The following ASAH1 variants were observed in gnomAD, a reference collection of about 807,000 sequenced individuals.
ASAH1 encodes the protein acid ceramidase.
Under a neutral mutation model 59.5 loss-of-function variants are expected in ASAH1, and 70 were observed. That is an observed-to-expected ratio of 1.18 (90% CI 0.97 to 1.43). ASAH1 has a LOEUF of 1.43. Ranked by LOEUF, ASAH1 falls within the 40% of genes most tolerant of loss-of-function variation. ASAH1 has a pLI of 0.00. For missense variants in ASAH1, 660 were observed against 482.5 expected, an observed-to-expected ratio of 1.37 and a Z score of -3.45; for synonymous variants, 213 against 166.5, an observed-to-expected ratio of 1.28 and a Z score of -2.15.
At chr8:18,064,191 G>A in intron 6 of ASAH1, 2 of 574,472 alleles carry the variant, frequency 3.5e-6, no homozygotes, top group Non-Finnish European at 6.1e-6. Context: ...AGTAAACTAT[G>A]AGGAAGAGAA....
At chr8:18,062,161 G>T in intron 8 of ASAH1, 118 bp downstream of exon 8, 1 of 1,341,442 alleles carries the variant, frequency 7.5e-7, no homozygotes, top group South Asian at 1.2e-5. Context: ...GAAGTACAAG[G>T]GGGTGAAATG....
At chr8:18,067,137 T>A in intron 5 of ASAH1, 83 bp downstream of exon 5, 1 of 1,103,326 alleles carries the variant, frequency 9.1e-7, no homozygotes, top group Non-Finnish European at 1.3e-6. Context: ...ACAGCACCTG[T>A]GCTGTATGTA....
chr8:18,084,287 C>G, upstream of ASAH1: 1 of 1,436,436 alleles, frequency 7.0e-7, no homozygotes, highest in Non-Finnish European at 9.1e-7. Flanking sequence ...TCCAGGCTAC[C>G]TGCAGAAGGA....
intron 6 of ASAH1, 73 bp from the exon 7 acceptor site, chr8:18,063,303 G>T: frequency 1.5e-6 from 2 of 1,355,488 alleles, no homozygotes; most frequent in East Asian, 2.3e-5. Flanking sequence ...AATTAATTTT[G>T]ATTAATTAAT....
intron 5 of ASAH1, chr8:18,065,633 G>T (rs2410446): frequency 6.6e-6 from 1 of 151,292 alleles, no homozygotes; most frequent in Admixed American, 6.6e-5. Flanking sequence ...TTAACGAATG[G>T]CATGTGAGGT....
Position 18,061,212 on chromosome 8 carries a change from T to G in ASAH1, c.785+165A>C. On this transcript the variant is annotated intron_variant, in intron 10 of 13. Coordinates refer to ENST00000637790, the MANE Select transcript of ASAH1 (RefSeq NM_177924.5). ...TTTATTTGCTATAAAACACACAGTC[T>G]GCACGAAGAAAACATGAGTAATTCC... 6.7e-6 allele frequency: 4 copies of G among 599,334 alleles called. No homozygotes were observed. In the South Asian group the frequency reaches 9.2e-5, roughly 14 times the overall value. The allele number at this position is 599,334 out of a possible 1,614,324, so 37.1% of individuals were successfully genotyped here. A position where few individuals can be genotyped will look rare whatever the true frequency, so the allele number is the denominator to read the frequency against.
intron 1 of ASAH1, among the ~76,000 whole-genome samples, chr8:18,079,430 C>T (rs1800556528): frequency 6.6e-6 from 1 of 150,494 alleles, no homozygotes; most frequent in African/African-American, 2.4e-5. Flanking sequence ...AGCTACTGAA[C>T]ACAACATTCT....
Position 18,057,360 on chromosome 8 carries a change from G to T in ASAH1, c.*174C>A. On this transcript the variant is annotated 3_prime_UTR_variant, in exon 14 of 14. Transcript: ENST00000637790. ...TAAATAAGAAAAATCAACTGATAGG[G>T]GGAAAAAAAAAAGATCTGTCATTTG... The T allele has an allele frequency of 2.2e-6, 1 of 452,262 alleles. No individual in the cohort carries two copies. 28.0% of individuals were successfully genotyped at this position (452,262 alleles called of 1,614,324 possible).
Position 18,075,494 on chromosome 8 carries a change from A to G in ASAH1, c.125+47T>C, listed in dbSNP as rs961589560. On this transcript the variant is annotated intron_variant, in intron 2 of 13. Transcript: ENST00000637790. ...TGAGCAATTATTACATACAGAAAAA[A>G]CTTCACAAAGGTCAAAGGGAGTTTT... 3.8e-6 allele frequency: 6 copies of G among 1,593,598 alleles called. No individual in the cohort carries two copies. In the Admixed American group the frequency reaches 1.0e-4, roughly 27 times the overall value.
upstream of ASAH1, chr8:18,084,878 G>C (rs1018106871): frequency 2.5e-6 from 4 of 1,580,142 alleles, no homozygotes; most frequent in Non-Finnish European, 3.4e-6. Flanking sequence ...GGAGGCGGAC[G>C]CGAGTAGCTC....
At chr8:18,072,901 A>G (rs1800231616) in intron 2 of ASAH1, among the ~76,000 whole-genome samples, 1 of 151,428 alleles carries the variant, frequency 6.6e-6, no homozygotes, top group Admixed American at 6.6e-5. Flanking sequence ...ATAACATCCA[A>G]CCAATCCCAA....
intron 1 of ASAH1, among the ~76,000 whole-genome samples, chr8:18,080,001 C>T (rs374784968): frequency 1.2e-3 from 182 of 152,312 alleles, no homozygotes; most frequent in Middle Eastern, 3.4e-3. Flanking sequence ...CATTGGCTGA[C>T]GCATTCCCAG....
chr8:18,058,403 C>T, intron 13 of ASAH1: 1 of 162,820 alleles, frequency 6.1e-6, no homozygotes, highest in Non-Finnish European at 1.3e-5. Flanking sequence ...AAACTTTTTG[C>T]ATTTTTTTAA....
intron 2 of ASAH1, 121 bp downstream of exon 2, chr8:18,075,420 C>T (rs1800362431): frequency 9.2e-6 from 10 of 1,081,332 alleles, no homozygotes; most frequent in Non-Finnish European, 1.4e-5. Context: ...AAACCTCTGT[C>T]TCGGAATGGG....
intron 1 of ASAH1, chr8:18,083,423 A>T (rs1261198935): frequency 6.4e-6 from 1 of 156,194 alleles, no homozygotes; most frequent in Admixed American, 6.3e-5. Flanking sequence ...TGCTCGTGGG[A>T]AAGAGCCACG....
At chr8:18,069,739 A>G in intron 4 of ASAH1, 53 bp downstream of exon 4, 1 of 1,284,852 alleles carries the variant, frequency 7.8e-7, no homozygotes, top group Non-Finnish European at 1.1e-6. Context: ...TAAATAAATA[A>G]CAGCGCATTT....
chr8:18,075,441 T>G (rs1800362866), intron 2 of ASAH1, 100 bp downstream of exon 2: 1 of 1,254,012 alleles, frequency 8.0e-7, no homozygotes, highest in East Asian at 2.3e-5. Context: ...AAACATGACT[T>G]AAGATTTTAT....
upstream of ASAH1, chr8:18,084,866 G>C: frequency 6.3e-7 from 1 of 1,595,292 alleles, no homozygotes; most frequent in Non-Finnish European, 8.5e-7. Flanking sequence ...CTCAGCTTGG[G>C]AGGAGGCGGA....
intron 10 of ASAH1, chr8:18,061,156 T>A: frequency 2.4e-6 from 1 of 423,694 alleles, no homozygotes; most frequent in Non-Finnish European, 4.3e-6. Flanking sequence ...TTTCATAATG[T>A]CAGTATCCCT....
Sources: allele counts gnomAD v4.1 joint callset (sites outside exome capture counted in the v4.1 genomes callset), GRCh38; gene constraint gnomAD v4.1.1; transcripts MANE v1.5; gene names NCBI Gene and HGNC (gene_info 2026-07-23, HGNC 2026-07-21).